Variants in NAPEPLD observed in about 807,000 individuals in gnomAD.
NAPEPLD encodes N-acyl phosphatidylethanolamine phospholipase D.
A neutral mutation model predicts 38.1 loss-of-function variants in NAPEPLD; 23 were observed. The observed-to-expected ratio is 0.60, with a 90% confidence interval of 0.43 to 0.86. The LOEUF is 0.86. Among genes scored for constraint, NAPEPLD ranks in the 40% least tolerant of loss-of-function variants. The pLI, the probability that NAPEPLD is intolerant of heterozygous loss-of-function variation, is 0.00. For synonymous variants in NAPEPLD, 147 were observed against 162.0 expected (o/e 0.91, Z 0.71); for missense variants, 411 against 476.8 (o/e 0.86, Z 1.28).
At chr7:103,113,307 T>C (rs1804894519) in intron 4 of NAPEPLD, among the ~76,000 whole-genome samples, 1 of 152,222 alleles carries the variant, frequency 6.6e-6, no homozygotes, top group African/African-American at 2.4e-5. Flanking sequence ...GTCATTATTC[T>C]ATTCCTTCTC....
intron 4 of NAPEPLD, among the ~76,000 whole-genome samples, chr7:103,111,669 C>T (rs1337852656): frequency 2.0e-5 from 3 of 152,030 alleles, no homozygotes; most frequent in African/African-American, 7.2e-5. Context: ...AGAAGAAAAC[C>T]CAGGCAATAC....
At chr7:103,116,066 T>A (rs1466900459) in intron 3 of NAPEPLD, among the ~76,000 whole-genome samples, 1 of 5,122 alleles carries the variant, frequency 2.0e-4, no homozygotes, top group Non-Finnish European at 0.5. Flanking sequence ...CTTTTTTTCT[T>A]TTTTTTTTTT....
chr7:103,138,014 G>A (rs1810445892), intron 1 of NAPEPLD, among the ~76,000 whole-genome samples: 1 of 143,934 alleles, frequency 6.9e-6, no homozygotes, highest in African/African-American at 2.5e-5. Flanking sequence ...GTCGCGTTCT[G>A]TTACCCAGGC....
chr7:103,103,447 A>G lies in NAPEPLD; in HGVS notation c.1164T>C (p.Asn388=). 1 of 1,575,180 alleles carries G rather than the reference A, an allele frequency of 6.3e-7. No individual in the cohort carries two copies. Among genetic ancestry groups the G allele is most frequent in the Non-Finnish European group, 8.6e-7 (1 of 1,168,156 alleles). ...ACATTTATTAAAAGTTTTCATCATC[A>G]TTATTTAGGTATCTTGATTCTCCAT... is the stretch of plus-strand genomic sequence containing the variant. ...LKHGESRYLN[N]DDENF is the part of the protein sequence containing the mutation. Residue 388 remains asparagine (N), a synonymous_variant, in exon 5 of 5, where the codon AAT becomes AAC. Transcript: ENST00000465647.
chr7:103,128,413 A>C (rs769717631), intron 2 of NAPEPLD, 70 bp downstream of exon 2: 6 of 1,546,584 alleles, frequency 3.9e-6, no homozygotes, highest in Non-Finnish European at 5.3e-6. Flanking sequence ...TATGATATAC[A>C]AGGGCTCAAA....
intron 2 of NAPEPLD, among the ~76,000 whole-genome samples, chr7:103,124,496 G>C (rs1322664793): frequency 6.6e-6 from 1 of 151,860 alleles, no homozygotes; most frequent in East Asian, 1.9e-4. Flanking sequence ...AAAGCATATA[G>C]AAAAAGGGGT....
At chr7:103,124,643 C>T (rs1453795483) in intron 2 of NAPEPLD, among the ~76,000 whole-genome samples, 3 of 152,062 alleles carry the variant, frequency 2.0e-5, no homozygotes, top group Non-Finnish European at 4.4e-5. Flanking sequence ...CATAATTAAC[C>T]AGTACGCTAG....
At chr7:103,129,221 C>G (rs748842720) in intron 1 of NAPEPLD, 2 of 749,430 alleles carry the variant, frequency 2.7e-6, no homozygotes, top group Admixed American at 6.3e-5. Flanking sequence ...GCTGAGATCA[C>G]GCCATTGCAC....
chr7:103,132,571 A>G (rs1197835572), intron 1 of NAPEPLD, among the ~76,000 whole-genome samples: 3 of 152,094 alleles, frequency 2.0e-5, no homozygotes, highest in Admixed American at 1.3e-4. Context: ...TTGACACCCA[A>G]AGGAAATGGA....
Position 103,128,584 on chromosome 7 carries a change from A to C in NAPEPLD, c.193T>G (p.Phe65Val), listed in dbSNP as rs1205574443. 3.7e-6 allele frequency: 6 copies of C among 1,614,044 alleles called. No individual in the cohort carries two copies. Among genetic ancestry groups the C allele is most frequent in the Non-Finnish European group, 8.5e-7 (1 of 1,180,030 alleles). The change falls in exon 2 of 5, where the codon TTT becomes GTT. Residue 65 changes from phenylalanine (F) to valine (V), a missense_variant. Phe to Val is a conservative substitution (Grantham distance 50, BLOSUM62 -1). Transcript: ENST00000465647. Reference protein sequence around the residue: ...TKSKKGKDGRFVNPWPTWKNP... With the variant: ...TKSKKGKDGRVVNPWPTWKNP... ...TTCCATGTTGGCCACGGATTCACAA[A>C]TCTCCCATCTTTTCCTTTCTTGGAT...
chr7:103,145,334 T>C (rs1812313887), intron 1 of NAPEPLD, among the ~76,000 whole-genome samples: 1 of 152,224 alleles, frequency 6.6e-6, no homozygotes, highest in African/African-American at 2.4e-5. Context: ...TCATCAGTAT[T>C]AGCGTTCACC....
intron 4 of NAPEPLD, among the ~76,000 whole-genome samples, chr7:103,106,451 G>C (rs534683674): frequency 1.3e-5 from 2 of 152,022 alleles, no homozygotes; most frequent in Non-Finnish European, 2.9e-5. Context: ...CAAGTGGTCT[G>C]GCTCAGCGGG....
In NAPEPLD at chr7:103,148,906, A is replaced by G; in HGVS notation, c.-112T>C. 1.0e-6 allele frequency: 1 copy of G among 985,410 alleles called. No individual in the cohort carries two copies. The highest frequency in any genetic ancestry group is 5.2e-4 in the Middle Eastern group (1 of 1,914). 61.0% of individuals were successfully genotyped at this position (985,410 alleles called of 1,614,324 possible). A position where few individuals can be genotyped will look rare whatever the true frequency, so the allele number is the denominator to read the frequency against. On this transcript the variant is annotated 5_prime_UTR_variant, in exon 1 of 5. Transcript: ENST00000465647. ...TACTCTCCCAAAGAGAAAAAAAATAATGCTGTGGCTCTTCACCGAGGCAGC... is the reference window on the plus strand; with the variant it reads ...TACTCTCCCAAAGAGAAAAAAAATAGTGCTGTGGCTCTTCACCGAGGCAGC...
At chr7:103,137,600 T>C (rs994183613) in intron 1 of NAPEPLD, among the ~76,000 whole-genome samples, 1 of 151,356 alleles carries the variant, frequency 6.6e-6, no homozygotes, top group African/African-American at 2.4e-5. Context: ...AAGCACAAAG[T>C]GCAGGTTCAT....
intron 1 of NAPEPLD, among the ~76,000 whole-genome samples, chr7:103,145,887 TAA>T (rs61183926): frequency 5.8e-4 from 86 of 148,392 alleles, no homozygotes; most frequent in Non-Finnish European, 6.7e-4. Flanking sequence ...GCTTCAAGTT[TAA>T]AAAAAAAAAA....
chr7:103,109,642 A>C (rs979540144), intron 4 of NAPEPLD, among the ~76,000 whole-genome samples: 2 of 152,182 alleles, frequency 1.3e-5, no homozygotes, highest in Non-Finnish European at 1.5e-5. Context: ...CACAAGAGAA[A>C]GCGGGAAAGA....
At chr7:103,134,752 C>A (rs1585884457) in intron 1 of NAPEPLD, among the ~76,000 whole-genome samples, 1 of 152,152 alleles carries the variant, frequency 6.6e-6, no homozygotes, top group East Asian at 1.9e-4. Flanking sequence ...ACATTCTCTA[C>A]ATTTTTTGAA....
chr7:103,148,560 AAAC>A (rs1351335649), intron 1 of NAPEPLD, among the ~76,000 whole-genome samples: 1 of 151,834 alleles, frequency 6.6e-6, no homozygotes, highest in Non-Finnish European at 1.5e-5. Flanking sequence ...TATAAGAAGC[AAAC>A]AACCACAGAA....
chr7:103,103,536 C>T lies in NAPEPLD; in HGVS notation c.1075G>A (p.Val359Met), dbSNP rs757299392. 1.3e-6 allele frequency: 2 copies of T among 1,588,770 alleles called. No homozygotes were observed. The change falls in exon 5 of 5, where the codon GTG becomes ATG. Residue 359 changes from valine to methionine, a missense_variant. Physicochemically the swap from Val to Met is conservative, Grantham distance 21 (BLOSUM62 1). Coordinates refer to ENST00000465647, the MANE Select transcript of NAPEPLD (RefSeq NM_001122838.3). ...CTCTCTAGAGCTTCATTCAGCTTCA[C>T]TGGAGGCTCTAAGTAATGCTGGCCA... ...LANEHYLEPP[V>M]KLNEALERYG...
Sources: gnomAD v4.1 joint callset for allele counts (sites outside exome capture counted in the v4.1 genomes callset) on GRCh38, gnomAD v4.1.1 for gene constraint, MANE v1.5 for transcripts, NCBI Gene and HGNC (gene_info 2026-07-23, HGNC 2026-07-21) for gene names.